Variants in ASCC1 observed in about 807,000 individuals in gnomAD.
ASCC1 encodes ASC-1 complex subunit P50.
Under a neutral mutation model 46.6 loss-of-function variants are expected in ASCC1, and 35 were observed. That is an observed-to-expected ratio of 0.75 (90% CI 0.57 to 0.99). The LOEUF is 0.99. ASCC1 is among the 50% of genes least tolerant of loss of function. The pLI is 0.00. For synonymous variants in ASCC1, 143 were observed against 146.6 expected (o/e 0.98, Z 0.18); for missense variants, 376 against 428.7 (o/e 0.88, Z 1.09).
intron 5 of ASCC1, among the ~76,000 whole-genome samples, chr10:72,184,440 C>G (rs532527391): frequency 6.6e-6 from 1 of 151,854 alleles, no homozygotes; most frequent in Non-Finnish European, 1.5e-5. Flanking sequence ...TATAAAGATA[C>G]AAATATGTTA....
chr10:72,158,267 G>A (rs1208838862), intron 6 of ASCC1, among the ~76,000 whole-genome samples: 1 of 152,200 alleles, frequency 6.6e-6, no homozygotes, highest in African/African-American at 2.4e-5. Flanking sequence ...GATGACACGT[G>A]AGGCAATAAT....
chr10:72,099,432 C>A lies in ASCC1; in HGVS notation c.958-1982G>T, dbSNP rs184895519. Among the ~76,000 whole-genome samples, 121 of 152,216 alleles carry A rather than the reference C, an allele frequency of 7.9e-4. 1 individual carries two copies. In the Middle Eastern group the frequency reaches 0.014, roughly 17 times the overall value. On this transcript the variant is annotated intron_variant, in intron 9 of 9. Transcript: ENST00000672957. ...GAGTGCTGGATTCTAAACGTATGCC[C>A]AGACATGTAAGCTGTGTGACTGTGG... is the stretch of plus-strand genomic sequence containing the variant.
chr10:72,201,270 C>T (rs998842494), intron 4 of ASCC1, among the ~76,000 whole-genome samples: 2 of 152,138 alleles, frequency 1.3e-5, no homozygotes, highest in African/African-American at 4.8e-5. Flanking sequence ...ACCTCAATCT[C>T]CCACAGTGCT....
At chr10:72,168,360 A>G (rs189198139) in intron 5 of ASCC1, among the ~76,000 whole-genome samples, 19 of 152,238 alleles carry the variant, frequency 1.2e-4, no homozygotes, top group African/African-American at 3.9e-4. Flanking sequence ...AATGCAAATT[A>G]AAACTACACT....
At chr10:72,132,115 C>T (rs1288591033) in intron 8 of ASCC1, among the ~76,000 whole-genome samples, 4 of 152,000 alleles carry the variant, frequency 2.6e-5, no homozygotes, top group African/African-American at 7.3e-5. Context: ...GTGATCCACC[C>T]GCCTCAGCCT....
chr10:72,129,976 CAAAAAAAAAAAA>C (rs34426096), intron 8 of ASCC1, among the ~76,000 whole-genome samples: 4 of 64,330 alleles, frequency 6.2e-5, no homozygotes, highest in Middle Eastern at 0.011. Flanking sequence ...GACCTTGTCT[CAAAAAAAAAAAA>C]AAAAAAAAAA....
intron 5 of ASCC1, among the ~76,000 whole-genome samples, chr10:72,164,996 C>T (rs1850163025): frequency 6.6e-6 from 1 of 151,996 alleles, no homozygotes. Flanking sequence ...TTTAAGAATT[C>T]TTTATAAATT....
intron 9 of ASCC1, chr10:72,102,785 G>A (rs928991778): frequency 3.7e-5 from 13 of 347,758 alleles, no homozygotes; most frequent in Non-Finnish European, 5.6e-5. Flanking sequence ...GACCAGCCTG[G>A]CCAACATGGT....
chr10:72,203,848 T>C (rs113392869), intron 3 of ASCC1, among the ~76,000 whole-genome samples: 8,966 of 152,228 alleles, frequency 0.059, 888 homozygotes, highest in African/African-American at 0.2. Context: ...GCAGGTGCAG[T>C]GGCTCACACC....
chr10:72,153,925 T>C lies in ASCC1; in HGVS notation c.627-937A>G, dbSNP rs112944796. 9.1e-4 allele frequency among the ~76,000 whole-genome samples: 138 copies of C among 152,044 alleles called. 2 individuals are homozygous for C. Among genetic ancestry groups the C allele is most frequent in the African/African-American group, 3.2e-3 (134 of 41,438 alleles). On this transcript the variant is annotated intron_variant, in intron 6 of 9. Coordinates refer to ENST00000672957, the MANE Select transcript of ASCC1 (RefSeq NM_001198800.3). ...TTAGTAGAGATGGGGTTTAGCTATA[T>C]TGGCCAGGGTGGTCTTAACTCCAGA...
At chr10:72,160,176 T>C (rs186841240) in intron 6 of ASCC1, among the ~76,000 whole-genome samples, 6 of 152,268 alleles carry the variant, frequency 3.9e-5, no homozygotes, top group African/African-American at 1.4e-4. Context: ...AGTGCTGGGA[T>C]TACAGGTGTG....
At chr10:72,197,018 C>T (rs1032751168) in intron 4 of ASCC1, 29 bp from the exon 5 acceptor site, 1 of 1,611,614 alleles carries the variant, frequency 6.2e-7, no homozygotes, top group Non-Finnish European at 8.5e-7. Flanking sequence ...GGGTAAACTG[C>T]TCAAGGACCC....
At chr10:72,175,955 T>C (rs1191215075) in intron 5 of ASCC1, among the ~76,000 whole-genome samples, 1 of 152,252 alleles carries the variant, frequency 6.6e-6, no homozygotes, top group African/African-American at 2.4e-5. Flanking sequence ...CTCCATTTTG[T>C]AACCCATGGG....
intron 5 of ASCC1, among the ~76,000 whole-genome samples, chr10:72,186,549 C>T (rs1853475595): frequency 6.6e-6 from 1 of 152,096 alleles, no homozygotes; most frequent in Non-Finnish European, 1.5e-5. Context: ...GAAGAGAACT[C>T]ACATAAATTG....
At chr10:72,146,504 C>A (rs1374689627) in intron 7 of ASCC1, among the ~76,000 whole-genome samples, 1 of 152,110 alleles carries the variant, frequency 6.6e-6, no homozygotes, top group Non-Finnish European at 1.5e-5. Flanking sequence ...GAGGCAGTGG[C>A]TTCATGTTCT....
Position 72,203,217 on chromosome 10 carries a change from C to A in ASCC1, c.310+210G>T, listed in dbSNP as rs1216061667. On this transcript the variant is annotated intron_variant, in intron 4 of 9. Coordinates refer to ENST00000672957, the MANE Select transcript of ASCC1 (RefSeq NM_001198800.3). ...AGGAGAATCGCTTGATTCCGGGAGG[C>A]GGAGGTTGCAGTGAGCCGAGATCAC... is the stretch of plus-strand genomic sequence containing the variant. Among the ~76,000 whole-genome samples, 13 of 144,236 alleles carry A rather than the reference C, an allele frequency of 9.0e-5. No homozygotes were observed. The Admixed American group carries it at 9.2e-4, about 10-fold the overall frequency. The allele number at this position is 144,236 out of a possible 152,430, so 94.6% of individuals were successfully genotyped here. A position where few individuals can be genotyped will look rare whatever the true frequency, so the allele number is the denominator to read the frequency against.
chr10:72,210,762 G>C lies in ASCC1; in HGVS notation c.182C>G (p.Ser61Cys). The C allele has an allele frequency of 6.2e-7, 1 of 1,614,108 alleles. No individual in the cohort carries two copies. Among genetic ancestry groups the C allele is most frequent in the Non-Finnish European group, 8.5e-7 (1 of 1,180,006 alleles). ...GAGCAAGCTGGGGGCCCTCAAAGTAGACCGGAATCCTTGTGGGGTCTGCTC... is the reference window on the plus strand; with the variant it reads ...GAGCAAGCTGGGGGCCCTCAAAGTACACCGGAATCCTTGTGGGGTCTGCTC... ...EVEQTPQGFR[S>C]TLRAPSLLYK... The change falls in exon 3 of 10, where the codon TCT becomes TGT. Residue 61 changes from serine to cysteine, a missense_variant. By Grantham distance (112) the Ser-to-Cys change is moderately radical. Coordinates refer to ENST00000672957, the MANE Select transcript of ASCC1 (RefSeq NM_001198800.3).
At chr10:72,116,831 T>A (rs1028401481) in intron 9 of ASCC1, among the ~76,000 whole-genome samples, 2 of 152,224 alleles carry the variant, frequency 1.3e-5, no homozygotes, top group Non-Finnish European at 2.9e-5. Context: ...CAGTGGCTCA[T>A]GCCTTTAATC....
chr10:72,167,211 C>T (rs905760496), intron 5 of ASCC1, among the ~76,000 whole-genome samples: 1 of 152,126 alleles, frequency 6.6e-6, no homozygotes, highest in Non-Finnish European at 1.5e-5. Flanking sequence ...TCCACAAGTC[C>T]ACCAACTGGT....
Sources: allele counts gnomAD v4.1 joint callset (sites outside exome capture counted in the v4.1 genomes callset), GRCh38; gene constraint gnomAD v4.1.1; transcripts MANE v1.5; gene names NCBI Gene and HGNC (gene_info 2026-07-23, HGNC 2026-07-21).